The following SRGAP2 variants were observed in gnomAD, a reference collection of about 807,000 sequenced individuals.
The protein encoded by SRGAP2 is SLIT-ROBO Rho GTPase activating protein 2, also known as SLIT-ROBO Rho GTPase-activating protein 2.
A neutral mutation model predicts 57.2 loss-of-function variants in SRGAP2; 15 were observed. That is an observed-to-expected ratio of 0.26 (90% CI 0.18 to 0.40). The LOEUF is 0.40. Among genes scored for constraint, SRGAP2 ranks in the 10% least tolerant of loss-of-function variants. The pLI, the probability that SRGAP2 is intolerant of heterozygous loss-of-function variation, is 1.00. For missense variants in SRGAP2, 520 were observed against 669.6 expected, an observed-to-expected ratio of 0.78 and a Z score of 2.47; for synonymous variants, 249 against 248.0, an observed-to-expected ratio of 1.00 and a Z score of -0.04.
chr1:206,342,031 A>G (rs1223570617), intron 3 of SRGAP2, among the ~76,000 whole-genome samples: 1 of 152,066 alleles, frequency 6.6e-6, no homozygotes, highest in Non-Finnish European at 1.5e-5. Flanking sequence ...TTGGTTTAGC[A>G]CTTTACTGCT....
Position 206,419,408 on chromosome 1 carries a change from TGGCCTGGGACA to T in SRGAP2, c.1469+18_1469+28del, listed in dbSNP as rs782720393. 1.3e-6 allele frequency: 1 copy of T among 780,826 alleles called. No individual in the cohort carries two copies. Among genetic ancestry groups the T allele is most frequent in the East Asian group, 2.4e-5 (1 of 41,248 alleles). 48.4% of individuals were successfully genotyped at this position (780,826 alleles called of 1,614,324 possible). On this transcript the variant is annotated intron_variant, in intron 12 of 22. Transcript: ENST00000573034. ...AGATTGCAGTCTAGCCAGGTGAGTG[TGGCCTGGGACA>T]GGCCTGGGAAGTGATAGAGGCTTGG...
At chr1:206,248,308 T>TA (rs1553310443) in intron 2 of SRGAP2, among the ~76,000 whole-genome samples, 2 of 152,198 alleles carry the variant, frequency 1.3e-5, no homozygotes, top group Admixed American at 6.5e-5. Flanking sequence ...GCTGAGGTGG[T>TA]ATAAGGTTTG....
chr1:206,428,432 A>AG (rs1431012060), intron 13 of SRGAP2, among the ~76,000 whole-genome samples: 4 of 151,788 alleles, frequency 2.6e-5, no homozygotes, highest in Non-Finnish European at 5.9e-5. Context: ...AAAAAAAAAA[A>AG]AAAAAAGAAA....
In SRGAP2 at chr1:206,454,352, G is replaced by A; in HGVS notation, c.2361-526G>A. On this transcript the variant is annotated intron_variant, in intron 20 of 22. Transcript: ENST00000573034. The surrounding 1 kb of genome is among the most constrained non-coding windows in gnomAD (Gnocchi z 4.3). Reference sequence around the variant, plus strand: ...GCTTTCTTTGTCATCAGTAGCCAGAGGGGCCAGGAGAGCAGTGGAGAGACC... The same window carrying A: ...GCTTTCTTTGTCATCAGTAGCCAGAAGGGCCAGGAGAGCAGTGGAGAGACC... 1 of 619,852 alleles carries A rather than the reference G, an allele frequency of 1.6e-6. No homozygotes were observed. The highest frequency in any genetic ancestry group is 2.5e-5 in the Admixed American group (1 of 39,502). The allele number at this position is 619,852 out of a possible 1,614,324, so 38.4% of individuals were successfully genotyped here.
intron 2 of SRGAP2, among the ~76,000 whole-genome samples, chr1:206,227,400 A>G (rs1383852209): frequency 6.6e-6 from 1 of 152,138 alleles, no homozygotes; most frequent in Non-Finnish European, 1.5e-5. Context: ...TGTCTTCTCA[A>G]CTGTAGACCT....
intron 2 of SRGAP2, among the ~76,000 whole-genome samples, chr1:206,224,764 AGGGTGGGCAGT>A (rs1382865041): frequency 2.5e-5 from 1 of 39,462 alleles, no homozygotes; most frequent in African/African-American, 9.9e-5. Flanking sequence ...GAGTTCTTTG[AGGGTGGGCAGT>A]GGGCAGCCTG....
chr1:206,221,996 C>A (rs2102483126), intron 2 of SRGAP2, among the ~76,000 whole-genome samples: 1 of 65,422 alleles, frequency 1.5e-5, no homozygotes, highest in Non-Finnish European at 2.7e-5. Context: ...ATTATGCATT[C>A]ACATGCAGTT....
intron 17 of SRGAP2, among the ~76,000 whole-genome samples, chr1:206,445,511 A>G (rs1410247226): frequency 2.0e-5 from 3 of 152,262 alleles, no homozygotes; most frequent in African/African-American, 7.2e-5. Context: ...GAAGAAATTC[A>G]CTGGCTTGAT....
intron 3 of SRGAP2, among the ~76,000 whole-genome samples, chr1:206,312,926 G>T (rs1278282897): frequency 6.6e-6 from 1 of 151,748 alleles, no homozygotes; most frequent in Non-Finnish European, 1.5e-5. Flanking sequence ...GGCCCAGCAG[G>T]ACTCTAATTG....
At chr1:206,428,758 G>T (rs1661030947) in intron 13 of SRGAP2, among the ~76,000 whole-genome samples, 1 of 152,124 alleles carries the variant, frequency 6.6e-6, no homozygotes, top group African/African-American at 2.4e-5. Flanking sequence ...TGTCCTCTGG[G>T]CTCAAGCAGT....
At chr1:206,253,328 G>A (rs1216985572) in intron 2 of SRGAP2, among the ~76,000 whole-genome samples, 1 of 149,928 alleles carries the variant, frequency 6.7e-6, no homozygotes, top group East Asian at 2.0e-4. Flanking sequence ...CTTAACCTGT[G>A]CATACTTCTT....
intron 2 of SRGAP2, among the ~76,000 whole-genome samples, chr1:206,220,854 C>T (rs1553304523): frequency 6.6e-6 from 1 of 152,010 alleles, no homozygotes; most frequent in African/African-American, 2.4e-5. Flanking sequence ...CTCCTCACTT[C>T]CTCCAGTGTT....
chr1:206,327,106 C>T (rs1252656566), intron 3 of SRGAP2, among the ~76,000 whole-genome samples: 1 of 152,124 alleles, frequency 6.6e-6, no homozygotes, highest in African/African-American at 2.4e-5. Flanking sequence ...GTGGACAGAT[C>T]ACCTGAGGTC....
At chr1:206,415,062 C>T (rs1308794441) in intron 10 of SRGAP2, among the ~76,000 whole-genome samples, 4 of 152,172 alleles carry the variant, frequency 2.6e-5, no homozygotes, top group African/African-American at 9.7e-5. Context: ...CTTAATTAAA[C>T]TCTCGAAACC....
chr1:206,404,765 A>G (rs1288439829), intron 8 of SRGAP2, among the ~76,000 whole-genome samples: 1 of 152,190 alleles, frequency 6.6e-6, no homozygotes, highest in Non-Finnish European at 1.5e-5. Flanking sequence ...TTCTCATTGA[A>G]TCAAAGCTCT....
At chr1:206,208,245 TC>T (rs1355331536) in intron 2 of SRGAP2, 5 of 137,900 alleles carry the variant, frequency 3.6e-5, no homozygotes, top group Admixed American at 1.5e-4. Flanking sequence ...AATAAAAAAT[TC>T]TTAAGGAGCC....
chr1:206,415,869 T>C lies in SRGAP2; in HGVS notation c.1357-20T>C, dbSNP rs1553361668. On this transcript the variant is annotated intron_variant, in intron 10 of 22. Coordinates refer to ENST00000573034, the MANE Select transcript of SRGAP2 (RefSeq NM_015326.5). ...TTCTTCAGGAGTCTGATTGCTCTTT[T>C]TCCTCCTCCTCTCTTACAGAAAATG... 1.3e-6 allele frequency: 1 copy of C among 773,996 alleles called. No individual in the cohort carries two copies. Among genetic ancestry groups the C allele is most frequent in the East Asian group, 2.4e-5 (1 of 41,000 alleles). The allele number at this position is 773,996 out of a possible 1,614,324, so 47.9% of individuals were successfully genotyped here.
intron 2 of SRGAP2, among the ~76,000 whole-genome samples, chr1:206,241,224 A>G (rs1332478474): frequency 6.6e-6 from 1 of 152,226 alleles, no homozygotes; most frequent in Non-Finnish European, 1.5e-5. Flanking sequence ...AACAAAAGAA[A>G]TGGGTTTGAG....
At chr1:206,416,772 C>G (rs958584868) in intron 11 of SRGAP2, among the ~76,000 whole-genome samples, 8 of 152,274 alleles carry the variant, frequency 5.3e-5, no homozygotes, top group Non-Finnish European at 1.0e-4. Context: ...CCGCCCCCCC[C>G]TCCCTGCCCC....
Sources: allele counts gnomAD v4.1 joint callset (sites outside exome capture counted in the v4.1 genomes callset), GRCh38; gene constraint gnomAD v4.1.1; non-coding constraint Gnocchi (gnomAD v3.1); transcripts MANE v1.5; gene names NCBI Gene and HGNC (gene_info 2026-07-23, HGNC 2026-07-21).